RAB38: variants seen among roughly 807,000 people sequenced by gnomAD.
RAB38 encodes the protein RAB38, member RAS oncogene family, also known as ras-related protein Rab-38.
Under a neutral mutation model 18.4 loss-of-function variants are expected in RAB38, and 15 were observed. The observed-to-expected ratio is 0.82, with a 90% CI of 0.55 to 1.26. The LOEUF is 1.26. RAB38 is among the 50% of genes most tolerant of loss of function. The probability of loss-of-function intolerance (pLI) is 0.00; values close to 1 mark genes in which losing one functional copy is unlikely to be tolerated. For missense variants in RAB38, 294 were observed against 267.4 expected (o/e 1.10, Z -0.69); for synonymous variants, 101 against 104.4 (o/e 0.97, Z 0.20).
At chr11:88,124,315 A>G (rs534222847) in intron 2 of RAB38, among the ~76,000 whole-genome samples, 1 of 152,348 alleles carries the variant, frequency 6.6e-6, no homozygotes, top group Non-Finnish European at 1.5e-5. Context: ...AGCAAAAGAA[A>G]CTACCATCAG....
At chr11:87,967,935 T>C in the RAB38 span, among the ~76,000 whole-genome samples, 1 of 152,136 alleles carries the variant, frequency 6.6e-6, no homozygotes, top group Non-Finnish European at 1.5e-5. Flanking sequence ...ACACTAACAG[T>C]CCAGCCATGC....
chr11:87,847,796 A>G, the RAB38 span, among the ~76,000 whole-genome samples: 1 of 152,118 alleles, frequency 6.6e-6, no homozygotes, highest in Non-Finnish European at 1.5e-5. Context: ...CAAAGGACAG[A>G]AAGACGGGAC....
the RAB38 span, among the ~76,000 whole-genome samples, chr11:88,074,411 A>G: frequency 2.0e-5 from 3 of 152,186 alleles, no homozygotes; most frequent in African/African-American, 7.2e-5. Flanking sequence ...AAATGGAGTT[A>G]CAGAGTTTTA....
the RAB38 span, among the ~76,000 whole-genome samples, chr11:88,058,559 T>C: frequency 6.6e-6 from 1 of 152,196 alleles, no homozygotes; most frequent in African/African-American, 2.4e-5. Flanking sequence ...GTTTAAGACA[T>C]TACATAAAAG....
At chr11:87,816,199 C>T in the RAB38 span, 1 of 152,336 alleles carries the variant, frequency 6.6e-6, no homozygotes, top group Non-Finnish European at 1.5e-5. Context: ...TACCATTAGT[C>T]ATGGTTATAG....
chr11:87,963,673 T>A, the RAB38 span, among the ~76,000 whole-genome samples: 1 of 150,498 alleles, frequency 6.6e-6, no homozygotes, highest in Admixed American at 6.7e-5. Context: ...TTGAGACGGA[T>A]TCTTGCTCTG....
chr11:88,007,311 T>A, the RAB38 span, among the ~76,000 whole-genome samples: 4 of 151,330 alleles, frequency 2.6e-5, no homozygotes, highest in Non-Finnish European at 5.9e-5. Context: ...AATTTAAAAC[T>A]TTCATGAAAA....
the RAB38 span, among the ~76,000 whole-genome samples, chr11:88,038,674 T>C: frequency 1.3e-5 from 2 of 152,188 alleles, no homozygotes; most frequent in Non-Finnish European, 2.9e-5. Flanking sequence ...TTCTTCTTCA[T>C]ACTACCTTTC....
At chr11:88,016,866 C>G in the RAB38 span, among the ~76,000 whole-genome samples, 1 of 152,052 alleles carries the variant, frequency 6.6e-6, no homozygotes, top group Non-Finnish European at 1.5e-5. Context: ...ACTTGCTGGG[C>G]ACGAATCTGG....
the RAB38 span, among the ~76,000 whole-genome samples, chr11:87,851,626 G>A: frequency 6.6e-6 from 1 of 152,284 alleles, no homozygotes; most frequent in East Asian, 1.9e-4. Flanking sequence ...AAAACAGATA[G>A]TATATAGCTG....
the RAB38 span, among the ~76,000 whole-genome samples, chr11:87,870,685 A>G: frequency 6.6e-6 from 1 of 151,634 alleles, no homozygotes; most frequent in African/African-American, 2.4e-5. Flanking sequence ...TAACTCAAGC[A>G]AGGATAGAAC....
chr11:87,899,962 T>A, the RAB38 span, among the ~76,000 whole-genome samples: 3 of 151,564 alleles, frequency 2.0e-5, no homozygotes, highest in Non-Finnish European at 4.4e-5. Context: ...TCCTTCCGTT[T>A]TTTTTTTCCC....
the RAB38 span, among the ~76,000 whole-genome samples, chr11:88,107,710 T>C: frequency 6.6e-6 from 1 of 152,196 alleles, no homozygotes; most frequent in Non-Finnish European, 1.5e-5. Context: ...ATTGTGATTT[T>C]AGGGTGTCAG....
chr11:88,149,482 T>C (rs535940265), intron 2 of RAB38, among the ~76,000 whole-genome samples, 193 bp downstream of exon 2: 39 of 152,316 alleles, frequency 2.6e-4, no homozygotes, highest in African/African-American at 8.4e-4. Flanking sequence ...CTTGCCACAA[T>C]GATCTTAAAT....
chr11:88,055,654 T>A, the RAB38 span, among the ~76,000 whole-genome samples: 1 of 152,060 alleles, frequency 6.6e-6, no homozygotes, highest in Non-Finnish European at 1.5e-5. Context: ...ATGGACTATT[T>A]AAAAAACATG....
At chr11:88,079,194 A>T in the RAB38 span, among the ~76,000 whole-genome samples, 1 of 151,900 alleles carries the variant, frequency 6.6e-6, no homozygotes, top group Admixed American at 6.6e-5. Context: ...TCTCTGGTTA[A>T]ACTGGAAGAG....
At chr11:88,042,272 A>C in the RAB38 span, among the ~76,000 whole-genome samples, 1 of 152,010 alleles carries the variant, frequency 6.6e-6, no homozygotes. Flanking sequence ...CCCACCTCTC[A>C]TTTGCTAAAT....
At chr11:87,967,877 G>C in the RAB38 span, among the ~76,000 whole-genome samples, 41 of 152,174 alleles carry the variant, frequency 2.7e-4, no homozygotes, top group Non-Finnish European at 8.8e-5. Context: ...CCCTGCGGTG[G>C]GTAGGAGGGT....
chr11:87,946,632 C>T, the RAB38 span, among the ~76,000 whole-genome samples: 1 of 151,540 alleles, frequency 6.6e-6, no homozygotes, highest in Non-Finnish European at 1.5e-5. Context: ...TAAGTGAGAA[C>T]ATGTGGTGTT....
Sources: gnomAD v4.1 joint callset for allele counts (sites outside exome capture counted in the v4.1 genomes callset) on GRCh38, gnomAD v4.1.1 for gene constraint, MANE v1.5 for transcripts, NCBI Gene and HGNC (gene_info 2026-07-23, HGNC 2026-07-21) for gene names.